The following OPCML variants were observed in gnomAD, a reference collection of about 807,000 sequenced individuals.
The protein encoded by OPCML is opioid-binding protein/cell adhesion molecule.
A neutral mutation model predicts 37.8 loss-of-function variants in OPCML; 13 were observed. That is an observed-to-expected ratio of 0.34 (90% CI 0.22 to 0.55). The LOEUF is 0.55. Ranked by LOEUF, OPCML falls within the 20% of genes least tolerant of loss-of-function variation. The pLI is 0.91. For missense variants in OPCML, 341 were observed against 435.6 expected, an observed-to-expected ratio of 0.78 and a Z score of 1.93; for synonymous variants, 176 against 168.8, an observed-to-expected ratio of 1.04 and a Z score of -0.33.
chr11:133,443,590 G>T (rs978439182), intron 1 of OPCML, among the ~76,000 whole-genome samples: 5 of 152,184 alleles, frequency 3.3e-5, no homozygotes, highest in Non-Finnish European at 4.4e-5. Context: ...TTAGTAACCA[G>T]GTTACTTCAC....
intron 3 of OPCML, among the ~76,000 whole-genome samples, chr11:132,611,920 G>A (rs1938667908): frequency 6.6e-6 from 1 of 152,148 alleles, no homozygotes; most frequent in African/African-American, 2.4e-5. Context: ...CCTACTCAAG[G>A]CCAAGACTCA....
At chr11:132,649,033 TA>T (rs1941298214) in intron 3 of OPCML, among the ~76,000 whole-genome samples, 1 of 152,134 alleles carries the variant, frequency 6.6e-6, no homozygotes, top group African/African-American at 2.4e-5. Flanking sequence ...GAAATAGCCA[TA>T]AACCCTATAA....
intron 1 of OPCML, among the ~76,000 whole-genome samples, chr11:132,998,304 G>A (rs1315825677): frequency 6.6e-6 from 1 of 152,130 alleles, no homozygotes; most frequent in African/African-American, 2.4e-5. Flanking sequence ...TTCACCCAGT[G>A]GCTTACATGT....
At chr11:132,587,616 A>C (rs1480423549) in intron 3 of OPCML, among the ~76,000 whole-genome samples, 1 of 152,170 alleles carries the variant, frequency 6.6e-6, no homozygotes, top group Non-Finnish European at 1.5e-5. Flanking sequence ...CTTCAGTGAC[A>C]GGGCATCCTT....
chr11:132,923,315 A>G (rs531350444), intron 2 of OPCML, among the ~76,000 whole-genome samples: 5 of 152,236 alleles, frequency 3.3e-5, no homozygotes, highest in Admixed American at 2.6e-4. Flanking sequence ...GTACCTAAGC[A>G]TTCCTGATTC....
rs543540480 is a variant in OPCML, at chr11:132,882,640, A to C, written c.146+60286T>G. Among the ~76,000 whole-genome samples, 7 of 152,328 alleles carry C rather than the reference A, an allele frequency of 4.6e-5. No homozygotes were observed. The South Asian group carries it at 1.4e-3, about 32-fold the overall frequency. On this transcript the variant is annotated intron_variant, in intron 2 of 7. Transcript: ENST00000524381. ...TAGCAAGGTTGAAGGTATCAAGATG[A>C]ACAAGAACTAGAAACCCAGCTTGCT...
intron 1 of OPCML, among the ~76,000 whole-genome samples, chr11:133,334,963 C>T (rs1401499801): frequency 6.6e-6 from 1 of 152,202 alleles, no homozygotes; most frequent in Non-Finnish European, 1.5e-5. Flanking sequence ...AGAGCTCAGT[C>T]TGTGGCTGGA....
chr11:133,184,197 C>T (rs553112652), intron 1 of OPCML, among the ~76,000 whole-genome samples: 4 of 152,278 alleles, frequency 2.6e-5, no homozygotes, highest in Non-Finnish European at 5.9e-5. Flanking sequence ...TTAACACTTA[C>T]GGAATGCCCA....
At chr11:133,083,138 A>ACACACG (rs1185540184) in intron 1 of OPCML, among the ~76,000 whole-genome samples, 1 of 147,766 alleles carries the variant, frequency 6.8e-6, no homozygotes, top group Non-Finnish European at 1.5e-5. Flanking sequence ...CACCACGCAC[A>ACACACG]CACACGCACA....
chr11:132,522,160 T>G (rs1377186883), intron 4 of OPCML, among the ~76,000 whole-genome samples: 1 of 152,224 alleles, frequency 6.6e-6, no homozygotes, highest in Admixed American at 6.5e-5. Flanking sequence ...GTAACAATAG[T>G]TCATTCCTTT....
intron 3 of OPCML, among the ~76,000 whole-genome samples, chr11:132,570,279 T>C (rs981993802): frequency 1.3e-5 from 2 of 152,170 alleles, no homozygotes; most frequent in Admixed American, 1.3e-4. Context: ...AGAAGTCACA[T>C]GGCCTTTGAA....
chr11:132,704,634 A>G (rs1301724234), intron 2 of OPCML, among the ~76,000 whole-genome samples: 1 of 152,248 alleles, frequency 6.6e-6, no homozygotes, highest in African/African-American at 2.4e-5. Context: ...ACTCTAAAAT[A>G]AACAAAAGTA....
At chr11:133,265,479 A>G (rs1164907599) in intron 1 of OPCML, among the ~76,000 whole-genome samples, 1 of 152,206 alleles carries the variant, frequency 6.6e-6, no homozygotes, top group African/African-American at 2.4e-5. Context: ...AGAGAATGCA[A>G]CATCAGGAGA....
chr11:132,451,811 T>A (rs1484341631), intron 4 of OPCML, among the ~76,000 whole-genome samples: 1 of 152,174 alleles, frequency 6.6e-6, no homozygotes, highest in Non-Finnish European at 1.5e-5. Context: ...TTTGTGTGTG[T>A]TCCATCAATG....
intron 3 of OPCML, among the ~76,000 whole-genome samples, chr11:132,643,918 G>C (rs1216536560): frequency 6.6e-6 from 1 of 152,136 alleles, no homozygotes; most frequent in Non-Finnish European, 1.5e-5. Flanking sequence ...GTGTCTGAAA[G>C]AGACCAAACT....
chr11:133,309,572 C>A (rs970654540), intron 1 of OPCML, among the ~76,000 whole-genome samples: 1 of 152,158 alleles, frequency 6.6e-6, no homozygotes, highest in African/African-American at 2.4e-5. Context: ...CTGAACATGG[C>A]ATTTATGGGA....
chr11:133,303,488 C>T (rs542450110), intron 1 of OPCML, among the ~76,000 whole-genome samples: 2 of 152,136 alleles, frequency 1.3e-5, no homozygotes, highest in Admixed American at 1.3e-4. Context: ...TGCGGTTGGC[C>T]TGTTGGTTCA....
chr11:132,420,703 A>C (rs1226205972), intron 7 of OPCML, among the ~76,000 whole-genome samples: 1 of 152,104 alleles, frequency 6.6e-6, no homozygotes, highest in Non-Finnish European at 1.5e-5. Flanking sequence ...GGCAAGGAGC[A>C]GATGGTGGGG....
At chr11:133,424,651 C>G (rs184535908) in intron 1 of OPCML, among the ~76,000 whole-genome samples, 2 of 152,214 alleles carry the variant, frequency 1.3e-5, no homozygotes, top group Admixed American at 6.5e-5. Context: ...ATTTTCTATT[C>G]TAAAAATGCC....
Sources: allele counts gnomAD v4.1 joint callset (sites outside exome capture counted in the v4.1 genomes callset), GRCh38; gene constraint gnomAD v4.1.1; transcripts MANE v1.5; gene names NCBI Gene and HGNC (gene_info 2026-07-23, HGNC 2026-07-21).